The following IL1RAPL2 variants were observed in gnomAD, a reference collection of about 807,000 sequenced individuals.
IL1RAPL2 encodes X-linked interleukin-1 receptor accessory protein-like 2.
Under a neutral mutation model 44.1 loss-of-function variants are expected in IL1RAPL2, and 3 were observed. The observed-to-expected ratio is 0.07, with a 90% confidence interval of 0.03 to 0.18. IL1RAPL2 has a LOEUF of 0.18. Ranked by LOEUF, IL1RAPL2 falls within the 10% of genes least tolerant of loss-of-function variation. The pLI is 1.00. For missense variants in IL1RAPL2, 391 were observed against 496.4 expected (o/e 0.79, Z 2.02); for synonymous variants, 181 against 178.8 (o/e 1.01, Z -0.10).
intron 5 of IL1RAPL2, among the ~76,000 whole-genome samples, chrX:105,397,098 A>C (rs2147733285): frequency 9.0e-6 from 1 of 110,897 alleles, no homozygotes; most frequent in African/African-American, 3.3e-5. Flanking sequence ...ATGCCTGATG[A>C]TCTGTCACTG....
At chrX:105,187,646 C>T (rs1413356930) in intron 2 of IL1RAPL2, among the ~76,000 whole-genome samples, 3 of 111,613 alleles carry the variant, frequency 2.7e-5, no homozygotes, top group Admixed American at 9.6e-5. Flanking sequence ...AGACAAATAC[C>T]GCATGATCTT....
intron 6 of IL1RAPL2, among the ~76,000 whole-genome samples, chrX:105,668,578 C>T (rs926711392): frequency 4.6e-4 from 52 of 112,455 alleles, no homozygotes; most frequent in African/African-American, 1.7e-3. Flanking sequence ...TGAACTAACA[C>T]AATCCTTCCA....
intron 5 of IL1RAPL2, among the ~76,000 whole-genome samples, chrX:105,443,963 T>G (rs1375164097): frequency 1.8e-5 from 2 of 112,420 alleles, no homozygotes; most frequent in East Asian, 5.6e-4. Flanking sequence ...CCACCAACAG[T>G]GAACAAGGGT....
In IL1RAPL2 at chrX:105,183,151, G is replaced by T. The variant is rs969099118; in HGVS notation, c.83-12324G>T. ...GCACAGATTGTGATAGGCAGGGCAG[G>T]ATGACCCACTGTGGTGGGTGCAGAG... On this transcript the variant is annotated intron_variant, in intron 2 of 10. Transcript: ENST00000372582. Among the ~76,000 whole-genome samples, 3 of 111,297 alleles carry T rather than the reference G, an allele frequency of 2.7e-5. No homozygotes were observed. The Admixed American group carries it at 2.9e-4, about 11-fold the overall frequency.
At chrX:105,039,286 A>G (rs2031679936) in intron 2 of IL1RAPL2, among the ~76,000 whole-genome samples, 1 of 112,042 alleles carries the variant, frequency 8.9e-6, no homozygotes, top group Non-Finnish European at 1.9e-5. Context: ...GAATAAAAAT[A>G]GAGTGAGCTA....
At chrX:105,045,992 A>G (rs1217958983) in intron 2 of IL1RAPL2, among the ~76,000 whole-genome samples, 2 of 111,555 alleles carry the variant, frequency 1.8e-5, no homozygotes, top group African/African-American at 6.5e-5. Context: ...GCAAAACATT[A>G]ATAGTTTCTT....
At chrX:105,745,432 T>C (rs1010044481) in intron 8 of IL1RAPL2, among the ~76,000 whole-genome samples, 1 of 111,891 alleles carries the variant, frequency 8.9e-6, no homozygotes. Flanking sequence ...CAAGATACCT[T>C]AGACTGGATA....
intron 6 of IL1RAPL2, among the ~76,000 whole-genome samples, chrX:105,528,789 T>A (rs1009387283): frequency 1.8e-5 from 2 of 111,363 alleles, no homozygotes; most frequent in Non-Finnish European, 3.8e-5. Flanking sequence ...TTAACATTGA[T>A]AAGATACTAT....
chrX:104,816,773 T>C (rs960161755), intron 2 of IL1RAPL2, among the ~76,000 whole-genome samples: 3 of 111,913 alleles, frequency 2.7e-5, no homozygotes, highest in Non-Finnish European at 5.6e-5. Flanking sequence ...TTAATGGCTT[T>C]ATGACCCTAA....
chrX:104,599,088 G>C (rs763149753), intron 1 of IL1RAPL2, among the ~76,000 whole-genome samples: 1 of 111,360 alleles, frequency 9.0e-6, no homozygotes, highest in Non-Finnish European at 1.9e-5. Context: ...GTGGGATAAG[G>C]AGAAATTGCA....
intron 2 of IL1RAPL2, among the ~76,000 whole-genome samples, chrX:104,660,545 A>G (rs921227240): frequency 9.9e-6 from 1 of 100,503 alleles, no homozygotes; most frequent in Non-Finnish European, 2.0e-5. Flanking sequence ...TAAAATATAT[A>G]TATATTTTAT....
At chrX:105,027,775 C>A (rs1002914854) in intron 2 of IL1RAPL2, among the ~76,000 whole-genome samples, 1 of 111,154 alleles carries the variant, frequency 9.0e-6, no homozygotes, top group African/African-American at 3.3e-5. Flanking sequence ...TGGGAAGTTC[C>A]TCAAAAAACT....
Position 105,178,862 on chromosome X carries a change from G to GT in IL1RAPL2, c.83-16610dup, listed in dbSNP as rs758406503. Among the ~76,000 whole-genome samples, 6 of 111,546 alleles carry GT rather than the reference G, an allele frequency of 5.4e-5. No homozygotes were observed. The East Asian group carries it at 1.7e-3, about 31-fold the overall frequency. ...AGTTATGTTTTTTTCTTACTGAGTTGTTTGAGTTCCTTGTGTATTCTGGAT... is the reference window on the plus strand; with the variant it reads ...AGTTATGTTTTTTTCTTACTGAGTTGTTTTGAGTTCCTTGTGTATTCTGGAT... On this transcript the variant is annotated intron_variant, in intron 2 of 10. Transcript: ENST00000372582.
At chrX:105,017,070 A>G (rs2031194309) in intron 2 of IL1RAPL2, among the ~76,000 whole-genome samples, 1 of 111,536 alleles carries the variant, frequency 9.0e-6, no homozygotes, top group African/African-American at 3.3e-5. Context: ...CATTTCTTCT[A>G]GATTTTCCAG....
chrX:104,660,574 AATATATAAAT>A (rs1186323878), intron 2 of IL1RAPL2, among the ~76,000 whole-genome samples: 1 of 77,305 alleles, frequency 1.3e-5, no homozygotes, highest in East Asian at 5.4e-4. Context: ...ATATATATAA[AATATATAAAT>A]ATATATATAC....
chrX:105,387,104 T>A (rs1379009394), intron 5 of IL1RAPL2, among the ~76,000 whole-genome samples: 1 of 111,405 alleles, frequency 9.0e-6, no homozygotes, highest in African/African-American at 3.3e-5. Flanking sequence ...TGGATATTAG[T>A]TCATTTGCCA....
chrX:104,975,346 A>T (rs759629666), intron 2 of IL1RAPL2, among the ~76,000 whole-genome samples: 1 of 111,985 alleles, frequency 8.9e-6, no homozygotes, highest in African/African-American at 3.3e-5. Flanking sequence ...GACTGGCTTA[A>T]CCATACACTT....
At chrX:104,734,634 G>C (rs970623871) in intron 2 of IL1RAPL2, among the ~76,000 whole-genome samples, 1 of 111,668 alleles carries the variant, frequency 9.0e-6, no homozygotes, top group African/African-American at 3.3e-5. Flanking sequence ...TTTAGGAGTA[G>C]AGGGAGAGTG....
intron 6 of IL1RAPL2, among the ~76,000 whole-genome samples, chrX:105,501,495 G>C (rs931980425): frequency 5.4e-5 from 6 of 110,444 alleles, no homozygotes; most frequent in African/African-American, 1.6e-4. Flanking sequence ...ATGGTAGTGT[G>C]TGCCTGTGAT....
Sources: gnomAD v4.1 joint callset for allele counts (sites outside exome capture counted in the v4.1 genomes callset) on GRCh38, gnomAD v4.1.1 for gene constraint, MANE v1.5 for transcripts, NCBI Gene and HGNC (gene_info 2026-07-23, HGNC 2026-07-21) for gene names.